Variants in EYS observed in about 807,000 individuals in gnomAD.
EYS encodes the protein EGF-like photoreceptor maintenance factor.
EYS carries 250 observed loss-of-function variants against 282.1 expected under a neutral mutation model. The ratio of observed to expected loss-of-function variants is 0.89; its 90% CI spans 0.80 to 0.98. EYS has a LOEUF of 0.98. Among genes scored for constraint, EYS ranks in the 50% least tolerant of loss-of-function variants. The pLI is 0.00. For synonymous variants in EYS, 1,355 were observed against 1,282.9 expected, an observed-to-expected ratio of 1.06 and a Z score of -1.20; for missense variants, 4,016 against 3,709.0, an observed-to-expected ratio of 1.08 and a Z score of -2.15.
rs561576662 is a variant in EYS, at chr6:65,676,736, T to C, written c.-448+30399A>G. 1.1e-4 allele frequency among the ~76,000 whole-genome samples: 16 copies of C among 151,878 alleles called. No homozygotes were observed. In the South Asian group the frequency reaches 2.7e-3, roughly 26 times the overall value. ...GCCAGCCTTATTCTGAGATTAAAGC[T>C]AGATTAAAAACACTAGAAAAAAATT... On this transcript the variant is annotated intron_variant, in intron 1 of 42. Transcript: ENST00000503581.
chr6:64,543,996 T>A (rs1764767677), intron 26 of EYS, among the ~76,000 whole-genome samples: 1 of 152,218 alleles, frequency 6.6e-6, no homozygotes, highest in Non-Finnish European at 1.5e-5. Context: ...TTTAATTTCT[T>A]ATTCATAGAA....
intron 29 of EYS, among the ~76,000 whole-genome samples, chr6:64,376,813 T>C (rs1025662206): frequency 6.6e-6 from 1 of 152,150 alleles, no homozygotes; most frequent in African/African-American, 2.4e-5. Flanking sequence ...AGTGAATTTA[T>C]CATCTTTTCT....
At chr6:64,598,947 T>A (rs149943519) in intron 24 of EYS, among the ~76,000 whole-genome samples, 11 of 152,212 alleles carry the variant, frequency 7.2e-5, no homozygotes, top group African/African-American at 2.4e-4. Flanking sequence ...GGAAAGAGTA[T>A]CAAAGGCGAA....
chr6:64,450,114 C>G (rs1204612618), intron 26 of EYS, among the ~76,000 whole-genome samples: 1 of 151,898 alleles, frequency 6.6e-6, no homozygotes, highest in African/African-American at 2.4e-5. Flanking sequence ...GGAAACCCAT[C>G]TCGCATGCAG....
At chr6:65,239,490 A>G (rs1421088594) in intron 12 of EYS, among the ~76,000 whole-genome samples, 2 of 152,084 alleles carry the variant, frequency 1.3e-5, no homozygotes, top group Admixed American at 6.5e-5. Flanking sequence ...ATTCTATTCA[A>G]TTGGCTAATG....
chr6:64,559,833 G>C (rs910393752), intron 26 of EYS, among the ~76,000 whole-genome samples: 14 of 152,182 alleles, frequency 9.2e-5, no homozygotes, highest in Admixed American at 2.6e-4. Context: ...ACAGGGGTTT[G>C]TTGTACAGAT....
At chr6:64,562,118 G>A (rs1765414640) in intron 26 of EYS, among the ~76,000 whole-genome samples, 1 of 151,466 alleles carries the variant, frequency 6.6e-6, no homozygotes, top group South Asian at 2.1e-4. Context: ...TGACTTCAAA[G>A]TATCAGGCCT....
At chr6:65,235,747 C>A (rs1766905806) in intron 12 of EYS, among the ~76,000 whole-genome samples, 1 of 152,054 alleles carries the variant, frequency 6.6e-6, no homozygotes, top group African/African-American at 2.4e-5. Flanking sequence ...TATGTGTGCA[C>A]CTCTTAAGTA....
intron 24 of EYS, among the ~76,000 whole-genome samples, chr6:64,616,181 T>C (rs1024627788): frequency 6.6e-6 from 1 of 152,116 alleles, no homozygotes; most frequent in Non-Finnish European, 1.5e-5. Context: ...GAAGACATAG[T>C]TAAATAAAAG....
At position 63,830,398 on chromosome 6, in the gene EYS, A is replaced by G. The variant is rs550063947; in HGVS notation, c.7229-24026T>C. Among the ~76,000 whole-genome samples, 11 of 152,342 alleles carry G rather than the reference A, an allele frequency of 7.2e-5. No homozygotes were observed. In the South Asian group the frequency reaches 1.7e-3, roughly 23 times the overall value. On this transcript the variant is annotated intron_variant, in intron 36 of 42. Coordinates refer to ENST00000503581, the MANE Select transcript of EYS (RefSeq NM_001142800.2). ...AAATGACCTGATGGAGCTGAAAACC[A>G]TGGCACGAGAACTACATGATGCATG...
chr6:65,486,267 T>C (rs1203852361), intron 5 of EYS, among the ~76,000 whole-genome samples: 1 of 152,214 alleles, frequency 6.6e-6, no homozygotes, highest in African/African-American at 2.4e-5. Flanking sequence ...AAAACTATTA[T>C]TGAAAAAATT....
intron 18 of EYS, among the ~76,000 whole-genome samples, chr6:64,898,562 A>G (rs1420633512): frequency 6.6e-6 from 1 of 152,034 alleles, no homozygotes; most frequent in Non-Finnish European, 1.5e-5. Flanking sequence ...CAAAATAACC[A>G]GCTAGCATCA....
chr6:65,192,426 A>G (rs1196766370), intron 12 of EYS, among the ~76,000 whole-genome samples: 1 of 151,600 alleles, frequency 6.6e-6, no homozygotes, highest in African/African-American at 2.4e-5. Flanking sequence ...AAAAATTGTA[A>G]CTTCAGCAAA....
At chr6:64,077,089 CAA>C (rs1771799479) in intron 32 of EYS, among the ~76,000 whole-genome samples, 1 of 151,948 alleles carries the variant, frequency 6.6e-6, no homozygotes, top group Non-Finnish European at 1.5e-5. Flanking sequence ...TCATGAATGA[CAA>C]TGCATTAATT....
rs966240821 is a variant in EYS at position 65,494,666 on chromosome 6, T to C, written c.745A>G (p.Thr249Ala). Residue 249 changes from threonine (T) to alanine (A), a missense_variant, in exon 4 of 43, where the codon ACA becomes GCA. Coordinates refer to ENST00000503581, the MANE Select transcript of EYS (RefSeq NM_001142800.2). The part of the protein sequence containing the change: ...AYECVCHPPF[T>A]GKNCSEIIGQ... ...TATATATTTTAAACAATCTTACCTG[T>C]AAATGGTGGGTGACAGACACATTCA... 2 of 1,558,218 alleles carry C rather than the reference T, an allele frequency of 1.3e-6. No homozygotes were observed. Among genetic ancestry groups the C allele is most frequent in the Non-Finnish European group, 1.7e-6 (2 of 1,149,438 alleles).
At chr6:64,045,990 T>C (rs1484033449) in intron 33 of EYS, among the ~76,000 whole-genome samples, 2 of 145,006 alleles carry the variant, frequency 1.4e-5, no homozygotes, top group Non-Finnish European at 3.0e-5. Context: ...GTATGTATTA[T>C]ATACTTTGTA....
intron 12 of EYS, among the ~76,000 whole-genome samples, chr6:65,079,050 AT>A (rs939889268): frequency 3.9e-5 from 6 of 152,010 alleles, no homozygotes; most frequent in African/African-American, 1.2e-4. Context: ...CTGTAAGACA[AT>A]TAATTCTCTT....
chr6:63,846,024 A>G (rs1189981657), intron 36 of EYS, among the ~76,000 whole-genome samples: 4 of 152,220 alleles, frequency 2.6e-5, no homozygotes, highest in Non-Finnish European at 5.9e-5. Context: ...GTCATAAAGG[A>G]GAGAGGTTTA....
chr6:65,591,671 TTC>T (rs1361810437), intron 2 of EYS, among the ~76,000 whole-genome samples: 1 of 151,940 alleles, frequency 6.6e-6, no homozygotes, highest in Non-Finnish European at 1.5e-5. Context: ...CATGTCACCA[TTC>T]TCTCTGTCTG....
Sources: allele counts gnomAD v4.1 joint callset (sites outside exome capture counted in the v4.1 genomes callset), GRCh38; gene constraint gnomAD v4.1.1; transcripts MANE v1.5; gene names NCBI Gene and HGNC (gene_info 2026-07-23, HGNC 2026-07-21).